The following CDK14 variants were observed in gnomAD, a reference collection of about 807,000 sequenced individuals.
CDK14 encodes cyclin dependent kinase 14.
In CDK14, 34 loss-of-function variants were observed where a neutral mutation model predicts 60.7. The ratio of observed to expected loss-of-function variants is 0.56; its 90% confidence interval spans 0.43 to 0.75. The LOEUF is 0.75. Among genes scored for constraint, CDK14 ranks in the 30% least tolerant of loss-of-function variants. The pLI is 0.00. For synonymous variants in CDK14, 197 were observed against 203.7 expected (o/e 0.97, Z 0.28); for missense variants, 482 against 564.1 (o/e 0.85, Z 1.47).
At chr7:91,201,051 A>G (rs1319535391) in intron 14 of CDK14, among the ~76,000 whole-genome samples, 1 of 152,174 alleles carries the variant, frequency 6.6e-6, no homozygotes, top group African/African-American at 2.4e-5. Flanking sequence ...TTCCTTTTTG[A>G]AAGCATGTAA....
At chr7:91,095,404 A>T (rs1798953678) in intron 12 of CDK14, among the ~76,000 whole-genome samples, 1 of 152,220 alleles carries the variant, frequency 6.6e-6, no homozygotes, top group South Asian at 2.1e-4. Context: ...TGCAGGCCAG[A>T]GTTTGGGATT....
At position 90,863,300 on chromosome 7, in the gene CDK14, A is replaced by G. The variant is rs767931241; in HGVS notation, c.639+31A>G. The G allele has an allele frequency of 5.5e-6, 7 of 1,274,180 alleles. No individual in the cohort carries two copies. The Admixed American group carries it at 5.5e-5, about 10-fold the overall frequency. The allele number at this position is 1,274,180 out of a possible 1,614,324, so 78.9% of individuals were successfully genotyped here. A position where few individuals can be genotyped will look rare whatever the true frequency, so the allele number is the denominator to read the frequency against. On this transcript the variant is annotated intron_variant, in intron 6 of 14. Coordinates refer to ENST00000380050, the MANE Select transcript of CDK14 (RefSeq NM_001287135.2). ...TAAAATAAGACTTTTAAATTTAGAC[A>G]TTTAAAATATGAATGAAATTCTTAT...
At chr7:90,763,358 T>C (rs1804405344) in intron 4 of CDK14, among the ~76,000 whole-genome samples, 1 of 152,128 alleles carries the variant, frequency 6.6e-6, no homozygotes, top group Admixed American at 6.5e-5. Context: ...GGCACAGTGC[T>C]CCTTTCACCT....
At chr7:90,803,710 T>C (rs186094326) in intron 5 of CDK14, among the ~76,000 whole-genome samples, 1 of 152,320 alleles carries the variant, frequency 6.6e-6, no homozygotes, top group Admixed American at 6.5e-5. Flanking sequence ...GTATCTAAAT[T>C]GAGAACTTTA....
At chr7:91,167,633 C>T (rs1801385899) in intron 14 of CDK14, among the ~76,000 whole-genome samples, 1 of 152,172 alleles carries the variant, frequency 6.6e-6, no homozygotes, top group African/African-American at 2.4e-5. Context: ...CATTTTGGAT[C>T]CCAAATGATC....
At chr7:90,815,691 G>T (rs1194908740) in intron 5 of CDK14, among the ~76,000 whole-genome samples, 1 of 152,148 alleles carries the variant, frequency 6.6e-6, no homozygotes, top group Non-Finnish European at 1.5e-5. Context: ...CGATAGACTG[G>T]ATAAAGAAAA....
At chr7:90,800,372 C>G (rs1788595095) in intron 5 of CDK14, among the ~76,000 whole-genome samples, 1 of 151,996 alleles carries the variant, frequency 6.6e-6, no homozygotes, top group Non-Finnish European at 1.5e-5. Flanking sequence ...AAAATTTGTA[C>G]TGTATAATTA....
At chr7:91,171,206 T>C (rs1269135836) in intron 14 of CDK14, among the ~76,000 whole-genome samples, 5 of 151,750 alleles carry the variant, frequency 3.3e-5, no homozygotes, top group Non-Finnish European at 1.5e-5. Context: ...AAAAATTAGC[T>C]GGGCGTGGTG....
At chr7:90,609,793 G>A (rs1799498182) in intron 2 of CDK14, among the ~76,000 whole-genome samples, 1 of 152,090 alleles carries the variant, frequency 6.6e-6, no homozygotes, top group South Asian at 2.1e-4. Flanking sequence ...GGATATTTCT[G>A]GTCATTCTTT....
chr7:90,894,167 C>T (rs1019184649), intron 6 of CDK14, among the ~76,000 whole-genome samples: 1 of 152,160 alleles, frequency 6.6e-6, no homozygotes, highest in Admixed American at 6.5e-5. Flanking sequence ...GGACAATGTT[C>T]TGAAACTGCT....
chr7:90,795,050 G>C (rs1806001249), intron 5 of CDK14, among the ~76,000 whole-genome samples: 1 of 152,030 alleles, frequency 6.6e-6, no homozygotes, highest in South Asian at 2.1e-4. Flanking sequence ...ATGTCTTACT[G>C]AGCATTCATG....
intron 14 of CDK14, among the ~76,000 whole-genome samples, chr7:91,189,572 C>T (rs1181789182): frequency 2.0e-5 from 3 of 152,054 alleles, no homozygotes; most frequent in Admixed American, 1.3e-4. Context: ...TCAGTTCACC[C>T]AATCTGAAAG....
At chr7:90,764,993 C>A (rs1584869554) in intron 4 of CDK14, among the ~76,000 whole-genome samples, 1 of 152,134 alleles carries the variant, frequency 6.6e-6, no homozygotes, top group Non-Finnish European at 1.5e-5. Flanking sequence ...ATGGGTGAGA[C>A]AGGAGAGTGA....
intron 11 of CDK14, among the ~76,000 whole-genome samples, chr7:91,057,489 G>A (rs1290967567): frequency 6.6e-6 from 1 of 151,972 alleles, no homozygotes; most frequent in Non-Finnish European, 1.5e-5. Context: ...CCATGCCTAT[G>A]TCCTGAATGG....
chr7:90,781,955 A>C (rs1373379723), intron 4 of CDK14, among the ~76,000 whole-genome samples: 1 of 152,136 alleles, frequency 6.6e-6, no homozygotes, highest in Non-Finnish European at 1.5e-5. Context: ...TCTGTGCAGA[A>C]AGTCATTGGT....
At chr7:90,973,238 C>T (rs1214257996) in intron 9 of CDK14, among the ~76,000 whole-genome samples, 1 of 152,120 alleles carries the variant, frequency 6.6e-6, no homozygotes, top group East Asian at 1.9e-4. Context: ...GGCCTCTTAT[C>T]ACTTTCAATT....
intron 14 of CDK14, among the ~76,000 whole-genome samples, chr7:91,141,367 G>A (rs1285752706): frequency 6.6e-6 from 1 of 152,200 alleles, no homozygotes; most frequent in Non-Finnish European, 1.5e-5. Flanking sequence ...GAACTCAGAA[G>A]GGGCAAGCAT....
intron 8 of CDK14, among the ~76,000 whole-genome samples, chr7:90,953,146 AT>A (rs1231702163): frequency 6.6e-6 from 1 of 151,432 alleles, no homozygotes; most frequent in Non-Finnish European, 1.5e-5. Flanking sequence ...TAGGGTAAAA[AT>A]TTTTTGTTCA....
At chr7:90,997,973 A>T (rs1290468509) in intron 10 of CDK14, among the ~76,000 whole-genome samples, 2 of 152,212 alleles carry the variant, frequency 1.3e-5, no homozygotes, top group East Asian at 3.8e-4. Context: ...TTATGAAGGT[A>T]AAATAATAAA....
Sources: allele counts gnomAD v4.1 joint callset (sites outside exome capture counted in the v4.1 genomes callset), GRCh38; gene constraint gnomAD v4.1.1; transcripts MANE v1.5; gene names NCBI Gene and HGNC (gene_info 2026-07-23, HGNC 2026-07-21).